The following OSBPL6 variants were observed in gnomAD, a reference collection of about 807,000 sequenced individuals.
OSBPL6 encodes the protein oxysterol binding protein like 6.
OSBPL6 carries 49 observed loss-of-function variants against 125.8 expected under a neutral mutation model. That is an observed-to-expected ratio of 0.39 (90% CI 0.31 to 0.49). The LOEUF (loss-of-function observed/expected upper bound fraction) is 0.49, where lower values mean the gene tolerates loss of function less well. Ranked by LOEUF, OSBPL6 falls within the 20% of genes least tolerant of loss-of-function variation. The pLI is 0.88. For missense variants in OSBPL6, 986 were observed against 1,135.4 expected (o/e 0.87, Z 1.89); for synonymous variants, 394 against 391.8 (o/e 1.01, Z -0.07).
intron 3 of OSBPL6, among the ~76,000 whole-genome samples, chr2:178,323,120 G>A (rs552150309): frequency 1.6e-4 from 25 of 152,080 alleles, no homozygotes; most frequent in Non-Finnish European, 2.9e-4. Flanking sequence ...TCCCCCGCAA[G>A]GGCTTTAATA....
At chr2:178,364,909 C>G (rs1013223822) in intron 13 of OSBPL6, among the ~76,000 whole-genome samples, 1 of 152,226 alleles carries the variant, frequency 6.6e-6, no homozygotes. Context: ...TGGCCGGGCG[C>G]GGTGGCTCAA....
chr2:178,261,097 G>A (rs1012126864), intron 1 of OSBPL6, among the ~76,000 whole-genome samples: 8 of 152,100 alleles, frequency 5.3e-5, no homozygotes, highest in African/African-American at 9.6e-5. Context: ...ACACCACTGC[G>A]CTCCAGCCTG....
At chr2:178,234,456 A>C (rs78566445) in intron 1 of OSBPL6, among the ~76,000 whole-genome samples, 9,939 of 152,268 alleles carry the variant, frequency 0.065, 451 homozygotes, top group Non-Finnish European at 0.1. Context: ...TTTTGTTTTA[A>C]GATAATTATA....
In OSBPL6 at chr2:178,385,397, A is replaced by G. The variant is rs1400394875; in HGVS notation, c.2014-61A>G. Reference sequence around the variant, plus strand: ...TTTTGAGAATAATTCAGTAAGAGAAATGGATGACCATGTGGAAGTCTTAAC... The same window carrying G: ...TTTTGAGAATAATTCAGTAAGAGAAGTGGATGACCATGTGGAAGTCTTAAC... On this transcript the variant is annotated intron_variant, in intron 18 of 24. Transcript: ENST00000190611. 3.4e-6 allele frequency: 4 copies of G among 1,185,230 alleles called. No individual in the cohort carries two copies. In the African/African-American group the frequency reaches 4.6e-5, roughly 14 times the overall value. 73.4% of individuals were successfully genotyped at this position (1,185,230 alleles called of 1,614,324 possible).
intron 19 of OSBPL6, among the ~76,000 whole-genome samples, chr2:178,386,740 C>G (rs1454514608): frequency 6.6e-6 from 1 of 152,056 alleles, no homozygotes; most frequent in African/African-American, 2.4e-5. Flanking sequence ...CACACACACA[C>G]ACACACACAC....
At chr2:178,345,354 G>A (rs1350002857) in intron 11 of OSBPL6, among the ~76,000 whole-genome samples, 1 of 152,188 alleles carries the variant, frequency 6.6e-6, no homozygotes, top group Non-Finnish European at 1.5e-5. Context: ...GCTGGTATGA[G>A]GATGGGTGGC....
chr2:178,336,541 C>A, intron 9 of OSBPL6, 108 bp downstream of exon 9: 1 of 1,263,332 alleles, frequency 7.9e-7, no homozygotes, highest in Non-Finnish European at 1.1e-6. Flanking sequence ...TTGCCTTGAT[C>A]GTCTTGACCT....
intron 1 of OSBPL6, among the ~76,000 whole-genome samples, chr2:178,263,245 G>A (rs12474257): frequency 0.34 from 52,469 of 152,124 alleles, 11,183 homozygotes; most frequent in East Asian, 0.67. Flanking sequence ...TTGGAAGGCC[G>A]AGATGGGCGG....
rs756683246 is a variant in OSBPL6, at chr2:178,387,137, A to C, written c.2154A>C (p.Pro718=). ...LPVGTLNVML[P]KYGDYYVWNK... is the part of the protein sequence containing the mutation. ...TTGGAACACTGAATGTCATGCTTCC[A>C]AAGTAGGTGACTCACACCTCCCTTT... Residue 718 remains proline (P), a splice_region_variant and synonymous_variant, in exon 20 of 25, where the codon CCA becomes CCC. Transcript: ENST00000190611. 2 of 1,606,750 alleles carry C rather than the reference A, an allele frequency of 1.2e-6. No individual in the cohort carries two copies. The highest frequency in any genetic ancestry group is 1.7e-6 in the Non-Finnish European group (2 of 1,173,714).
chr2:178,308,473 C>T (rs1481113230), intron 3 of OSBPL6, among the ~76,000 whole-genome samples: 2 of 152,186 alleles, frequency 1.3e-5, no homozygotes, highest in Non-Finnish European at 2.9e-5. Context: ...TTGCAAACTC[C>T]AGCCCCATTT....
At chr2:178,240,546 C>A (rs772624176) in intron 1 of OSBPL6, among the ~76,000 whole-genome samples, 1 of 151,962 alleles carries the variant, frequency 6.6e-6, no homozygotes, top group Non-Finnish European at 1.5e-5. Flanking sequence ...GCATTCTGGG[C>A]GTCTCAAAAC....
rs1000819185 is a variant in OSBPL6, at chr2:178,212,616, A to T, written c.-351+17942A>T. ...ATTGCAAACAGTAATCAGTGAGGTG[A>T]TACTTATTGTATAAAACACCTTAGC... On this transcript the variant is annotated intron_variant, in intron 1 of 24. Coordinates refer to ENST00000190611, the MANE Select transcript of OSBPL6 (RefSeq NM_032523.4). 5.3e-5 allele frequency among the ~76,000 whole-genome samples: 8 copies of T among 152,334 alleles called. No homozygotes were observed. The East Asian group carries it at 1.5e-3, about 29-fold the overall frequency.
At chr2:178,300,763 A>T (rs1173443248) in intron 2 of OSBPL6, among the ~76,000 whole-genome samples, 1 of 152,076 alleles carries the variant, frequency 6.6e-6, no homozygotes. Context: ...GTCCCATTTT[A>T]CTCTTAACTG....
intron 1 of OSBPL6, among the ~76,000 whole-genome samples, chr2:178,199,711 A>G (rs2089136247): frequency 2.0e-5 from 3 of 151,952 alleles, no homozygotes; most frequent in Non-Finnish European, 4.4e-5. Flanking sequence ...TACATAGTGG[A>G]CATTCAGTAA....
chr2:178,283,208 G>T (rs1476458070), intron 1 of OSBPL6, among the ~76,000 whole-genome samples: 1 of 152,108 alleles, frequency 6.6e-6, no homozygotes, highest in Non-Finnish European at 1.5e-5. Context: ...GTTATTTAAA[G>T]AAGTGGAAGG....
chr2:178,360,936 A>G (rs1356560367), intron 12 of OSBPL6, among the ~76,000 whole-genome samples: 2 of 152,202 alleles, frequency 1.3e-5, no homozygotes, highest in Non-Finnish European at 2.9e-5. Context: ...AATACTTTGC[A>G]TATTATAGAA....
intron 2 of OSBPL6, among the ~76,000 whole-genome samples, chr2:178,288,851 T>G (rs1020143081): frequency 2.0e-5 from 3 of 151,902 alleles, no homozygotes; most frequent in East Asian, 3.9e-4. Flanking sequence ...GGTTTCACCA[T>G]GTTGGCCAGG....
intron 12 of OSBPL6, among the ~76,000 whole-genome samples, chr2:178,357,237 T>G (rs555758758): frequency 6.6e-6 from 1 of 152,086 alleles, no homozygotes; most frequent in Non-Finnish European, 1.5e-5. Context: ...AATAGACAAA[T>G]GGGATCTAAT....
intron 1 of OSBPL6, among the ~76,000 whole-genome samples, chr2:178,212,395 G>T (rs1390275671): frequency 6.6e-6 from 1 of 152,178 alleles, no homozygotes; most frequent in African/African-American, 2.4e-5. Context: ...TATCGGTTCA[G>T]TGTTTTATTT....
Sources: gnomAD v4.1 joint callset for allele counts (sites outside exome capture counted in the v4.1 genomes callset) on GRCh38, gnomAD v4.1.1 for gene constraint, MANE v1.5 for transcripts, NCBI Gene and HGNC (gene_info 2026-07-23, HGNC 2026-07-21) for gene names.